The following UBXN6 variants were observed in gnomAD, a reference collection of about 807,000 sequenced individuals.
UBXN6 encodes the protein UBX domain-containing protein 6.
UBXN6 carries 44 observed loss-of-function variants against 51.4 expected under a neutral mutation model. The ratio of observed to expected loss-of-function variants is 0.86; its 90% CI spans 0.67 to 1.10. The LOEUF (loss-of-function observed/expected upper bound fraction) is 1.10. Ranked by LOEUF, UBXN6 falls within the 50% of genes least tolerant of loss-of-function variation. The probability of loss-of-function intolerance (pLI) is 0.00; values close to 1 mark genes in which losing one functional copy is unlikely to be tolerated. For synonymous variants in UBXN6, 316 were observed against 263.2 expected, an observed-to-expected ratio of 1.20 and a Z score of -1.94; for missense variants, 672 against 596.1, an observed-to-expected ratio of 1.13 and a Z score of -1.32.
chr19:4,445,711 G>A, intron 10 of UBXN6, 88 bp from the exon 11 acceptor site: 1 of 1,546,308 alleles, frequency 6.5e-7, no homozygotes, highest in Non-Finnish European at 8.7e-7. Context: ...GCGCGGGGAT[G>A]CCCCGGCCTG....
intron 10 of UBXN6, 61 bp downstream of exon 10, chr19:4,445,988 C>T (rs777012898): frequency 7.2e-6 from 11 of 1,537,396 alleles, no homozygotes; most frequent in South Asian, 1.3e-5. Flanking sequence ...GTGTCTGTGC[C>T]GGTCCCAGGA....
rs748257663 is a variant in UBXN6 at position 4,445,548 on chromosome 19, C to T, written c.1276G>A (p.Asp426Asn). The change falls in exon 11 of 11, where the codon GAC becomes AAC. Residue 426 changes from aspartate (D) to asparagine (N), a missense_variant. Transcript: ENST00000301281. ...EDIKAAGAEPDSILKPELLSA... is the reference protein window; with the variant it reads ...EDIKAAGAEPNSILKPELLSA... ...AGGAGCTCGGGTTTCAGGATGGAGT[C>T]CGGCTCGGCCCCCGCGGCCTTGATG... is the stretch of plus-strand genomic sequence containing the variant. 2 of 1,613,886 alleles carry T rather than the reference C, an allele frequency of 1.2e-6. No homozygotes were observed. The highest frequency in any genetic ancestry group is 1.7e-6 in the Non-Finnish European group (2 of 1,179,998).
At position 4,445,341 on chromosome 19, in the gene UBXN6, G is replaced by T. The variant is rs1475069567; in HGVS notation, c.*157C>A. Reference sequence around the variant, plus strand: ...CCAAGGGATGGGGGCTCTGCCACGGGGCCCAATTCCACAGCTCCACGGCTG... The same window carrying T: ...CCAAGGGATGGGGGCTCTGCCACGGTGCCCAATTCCACAGCTCCACGGCTG... On this transcript the variant is annotated 3_prime_UTR_variant, in exon 11 of 11. Transcript: ENST00000301281. 1 of 1,291,050 alleles carries T rather than the reference G, an allele frequency of 7.7e-7. No individual in the cohort carries two copies. Among genetic ancestry groups the T allele is most frequent in the Admixed American group, 2.2e-5 (1 of 45,590 alleles). The allele number at this position is 1,291,050 out of a possible 1,614,324, so 80.0% of individuals were successfully genotyped here.
intron 6 of UBXN6, 86 bp from the exon 7 acceptor site, chr19:4,447,006 C>T (rs555403874): frequency 7.5e-5 from 101 of 1,350,592 alleles, no homozygotes; most frequent in Non-Finnish European, 9.4e-5. Context: ...GCCCGGCTCT[C>T]GCTATTGGGA....
chr19:4,448,465 C>A lies in UBXN6; in HGVS notation c.442-50G>T, dbSNP rs368092631. 7 of 1,456,896 alleles carry A rather than the reference C, an allele frequency of 4.8e-6. No homozygotes were observed. The African/African-American group carries it at 5.6e-5, about 12-fold the overall frequency. 90.2% of individuals were successfully genotyped at this position (1,456,896 alleles called of 1,614,324 possible). On this transcript the variant is annotated intron_variant, in intron 4 of 10. Coordinates refer to ENST00000301281, the MANE Select transcript of UBXN6 (RefSeq NM_025241.3). Reference sequence around the variant, plus strand: ...CCACTCACTGAGAGCCCGGGCCGCACGGCCCTCCGCTGCCCAGGTAACAGG... The same window carrying A: ...CCACTCACTGAGAGCCCGGGCCGCAAGGCCCTCCGCTGCCCAGGTAACAGG...
chr19:4,447,100 T>C, intron 6 of UBXN6, 180 bp from the exon 7 acceptor site: 1 of 629,236 alleles, frequency 1.6e-6, no homozygotes, highest in Non-Finnish European at 2.8e-6. Context: ...GTGGGGGCTG[T>C]GGAGTCTCCA....
chr19:4,447,869 G>C (rs771033377), intron 5 of UBXN6: 10 of 554,574 alleles, frequency 1.8e-5, no homozygotes, highest in Admixed American at 3.1e-5. Flanking sequence ...CACCAGCCCT[G>C]GAAGGGCACA....
intron 4 of UBXN6, chr19:4,450,258 A>G (rs1288018857): frequency 6.6e-6 from 1 of 151,822 alleles, no homozygotes; most frequent in African/African-American, 2.4e-5. Context: ...AGAGGCCACA[A>G]AAGAATTCTC....
chr19:4,456,717 C>T (rs925270747), intron 1 of UBXN6, among the ~76,000 whole-genome samples: 8 of 152,168 alleles, frequency 5.3e-5, no homozygotes, highest in South Asian at 4.1e-4. Context: ...TATCTCCTTT[C>T]CCCTCCTCTC....
intron 4 of UBXN6, among the ~76,000 whole-genome samples, chr19:4,451,127 G>C (rs1171237409): frequency 2.0e-5 from 3 of 152,134 alleles, no homozygotes; most frequent in African/African-American, 4.8e-5. Flanking sequence ...CGTGATCTGG[G>C]CTCACTGCAA....
chr19:4,452,364 C>T lies in UBXN6; in HGVS notation c.441G>A (p.Leu147=). Residue 147 remains leucine (L), a splice_region_variant and synonymous_variant, in exon 4 of 11, where the codon TTG becomes TTA. Coordinates refer to ENST00000301281, the MANE Select transcript of UBXN6 (RefSeq NM_025241.3). ...CAGGAGCACACAGGGTGCCACTCAC[C>T]AAGAGAATGGCCTCCTTGATGCAGG... ...RDACIKEAIL[L]HFSTDPVAAS... is the part of the protein sequence containing the mutation. 6.2e-7 allele frequency: 1 copy of T among 1,613,366 alleles called. No homozygotes were observed. Among genetic ancestry groups the T allele is most frequent in the Non-Finnish European group, 8.5e-7 (1 of 1,179,580 alleles).
chr19:4,452,587 G>A (rs1358718553), intron 3 of UBXN6, 95 bp from the exon 4 acceptor site: 2 of 1,456,320 alleles, frequency 1.4e-6, no homozygotes, highest in African/African-American at 1.4e-5. Context: ...CGTAGAACCA[G>A]ACATCTCCAG....
Position 4,445,594 on chromosome 19 carries a change from C to T in UBXN6, c.1230G>A (p.Trp410Ter), listed in dbSNP as rs1284041303. ...LVPSALLTFS[W>*]DMAVLEDIKA... ...TGATGTCCTCCAGCACAGCCATGTC[C>T]CACGAGAAGGTCAGGAGGGCAGAGG... Residue 410 changes from tryptophan (W) to a stop codon, truncating the protein, a stop_gained, in exon 11 of 11, where the codon TGG (tryptophan) becomes TGA (stop). Transcript: ENST00000301281. LOFTEE classifies it high-confidence loss of function. 1 of 1,613,684 alleles carries T rather than the reference C, an allele frequency of 6.2e-7. No homozygotes were observed. The highest frequency in any genetic ancestry group is 1.1e-5 in the South Asian group (1 of 91,086).
chr19:4,453,824 C>T, intron 2 of UBXN6, 106 bp downstream of exon 2: 1 of 1,495,554 alleles, frequency 6.7e-7, no homozygotes, highest in Non-Finnish European at 9.0e-7. Context: ...AAGGGTGACC[C>T]TCACACCCCC....
Position 4,448,451 on chromosome 19 carries a change from G to C in UBXN6, c.442-36C>G, listed in dbSNP as rs925882210. ...GGAAGCAGGGAAAGCCACTCACTGA[G>C]AGCCCGGGCCGCACGGCCCTCCGCT... On this transcript the variant is annotated intron_variant, in intron 4 of 10. Transcript: ENST00000301281. 2.6e-6 allele frequency: 4 copies of C among 1,556,722 alleles called. No homozygotes were observed. In the Admixed American group the frequency reaches 5.6e-5, roughly 22 times the overall value.
chr19:4,445,648 C>CT, intron 10 of UBXN6, 25 bp from the exon 11 acceptor site: 2 of 1,603,638 alleles, frequency 1.2e-6, no homozygotes, highest in South Asian at 2.2e-5. Flanking sequence ...GGCCGTCACT[C>CT]TGAGACCGAG....
rs368501215 is a variant in UBXN6, at chr19:4,452,350, A to G, written c.441+14T>C. Reference sequence around the variant, plus strand: ...GCTACAGGTTGGGGCAGGAGCACACAGGGTGCCACTCACCAAGAGAATGGC... The same window carrying G: ...GCTACAGGTTGGGGCAGGAGCACACGGGGTGCCACTCACCAAGAGAATGGC... On this transcript the variant is annotated intron_variant, in intron 4 of 10. Transcript: ENST00000301281. 3.7e-6 allele frequency: 6 copies of G among 1,611,942 alleles called. No homozygotes were observed. Among genetic ancestry groups the G allele is most frequent in the Non-Finnish European group, 5.1e-6 (6 of 1,178,750 alleles).
chr19:4,446,714 G>A lies in UBXN6; in HGVS notation c.706C>T (p.Pro236Ser), dbSNP rs762910074. ...VLLPAQDQED[P>S]EEFYVLSETT... Reference sequence around the variant, plus strand: ...TCGCTCAGCACGTAGAACTCCTCGGGGTCCTCTACAGCGTGGCAGGACATG... The same window carrying A: ...TCGCTCAGCACGTAGAACTCCTCGGAGTCCTCTACAGCGTGGCAGGACATG... The change falls in exon 8 of 11, where the codon CCC becomes TCC. Residue 236 changes from proline to serine, a missense_variant. Coordinates refer to ENST00000301281, the MANE Select transcript of UBXN6 (RefSeq NM_025241.3). 1 of 1,608,762 alleles carries A rather than the reference G, an allele frequency of 6.2e-7. No homozygotes were observed. The highest frequency in any genetic ancestry group is 8.5e-7 in the Non-Finnish European group (1 of 1,176,688).
At chr19:4,453,004 T>A (rs1244405708) in intron 3 of UBXN6, among the ~76,000 whole-genome samples, 1 of 152,122 alleles carries the variant, frequency 6.6e-6, no homozygotes, top group African/African-American at 2.4e-5. Flanking sequence ...CCTCCCTGAT[T>A]CCACCCGTCT....
Sources: allele counts gnomAD v4.1 joint callset (sites outside exome capture counted in the v4.1 genomes callset), GRCh38; gene constraint gnomAD v4.1.1; transcripts MANE v1.5; gene names NCBI Gene and HGNC (gene_info 2026-07-23, HGNC 2026-07-21).